The following GALNTL6 variants were observed in gnomAD, a reference collection of about 807,000 sequenced individuals.
The protein encoded by GALNTL6 is polypeptide N-acetylgalactosaminyltransferase-like 6.
GALNTL6 carries 46 observed loss-of-function variants against 73.7 expected under a neutral mutation model. That is an observed-to-expected ratio of 0.62 (90% CI 0.49 to 0.80). The LOEUF (loss-of-function observed/expected upper bound fraction) is 0.80. Ranked by LOEUF, GALNTL6 falls within the 30% of genes least tolerant of loss-of-function variation. The pLI is 0.00. For synonymous variants in GALNTL6, 259 were observed against 263.7 expected, an observed-to-expected ratio of 0.98 and a Z score of 0.17; for missense variants, 604 against 755.0, an observed-to-expected ratio of 0.80 and a Z score of 2.34.
At chr4:172,767,667 C>CTTTTTT (rs1553986523) in intron 5 of GALNTL6, among the ~76,000 whole-genome samples, 13 of 118,124 alleles carry the variant, frequency 1.1e-4, no homozygotes, top group East Asian at 2.4e-4. Flanking sequence ...GATTTTTTTT[C>CTTTTTT]TTTTTTTTTT....
At chr4:172,713,865 T>G (rs563120006) in intron 5 of GALNTL6, among the ~76,000 whole-genome samples, 125 of 152,182 alleles carry the variant, frequency 8.2e-4, no homozygotes, top group African/African-American at 2.9e-3. Context: ...CTTATCAAAC[T>G]GTAGGTTTCT....
intron 5 of GALNTL6, among the ~76,000 whole-genome samples, chr4:172,439,614 T>G (rs933507665): frequency 5.3e-5 from 8 of 151,842 alleles, no homozygotes; most frequent in Non-Finnish European, 1.0e-4. Flanking sequence ...GTAAACTCAA[T>G]GATTCCAAAA....
chr4:172,610,842 G>T (rs915407011), intron 5 of GALNTL6, among the ~76,000 whole-genome samples: 13 of 152,070 alleles, frequency 8.5e-5, no homozygotes, highest in African/African-American at 2.2e-4. Flanking sequence ...AGGTCTCTAA[G>T]AACTTGTTTT....
chr4:172,641,746 T>C (rs1247385095), intron 5 of GALNTL6, among the ~76,000 whole-genome samples: 1 of 152,148 alleles, frequency 6.6e-6, no homozygotes, highest in Non-Finnish European at 1.5e-5. Context: ...TTATATTTAT[T>C]TTTATTGTTT....
intron 3 of GALNTL6, among the ~76,000 whole-genome samples, chr4:172,247,954 T>G (rs553477262): frequency 1.3e-5 from 2 of 152,302 alleles, no homozygotes; most frequent in African/African-American, 4.8e-5. Context: ...AAATACCACT[T>G]TTAACTACTG....
chr4:172,406,801 A>G (rs1323197291), intron 5 of GALNTL6, among the ~76,000 whole-genome samples: 3 of 152,068 alleles, frequency 2.0e-5, no homozygotes, highest in Admixed American at 2.0e-4. Context: ...ACATCAAACA[A>G]TATTTCTTTC....
At chr4:172,910,099 A>T (rs1747119912) in intron 8 of GALNTL6, among the ~76,000 whole-genome samples, 1 of 151,972 alleles carries the variant, frequency 6.6e-6, no homozygotes, top group African/African-American at 2.4e-5. Flanking sequence ...ATTTATATAT[A>T]AAACATATAT....
At chr4:172,759,154 C>A (rs559633223) in intron 5 of GALNTL6, among the ~76,000 whole-genome samples, 1 of 152,308 alleles carries the variant, frequency 6.6e-6, no homozygotes, top group East Asian at 1.9e-4. Flanking sequence ...TGTATGAAAG[C>A]AGAGTGTCCC....
intron 5 of GALNTL6, among the ~76,000 whole-genome samples, chr4:172,752,184 A>T (rs1317786874): frequency 1.3e-5 from 2 of 152,126 alleles, no homozygotes; most frequent in Non-Finnish European, 2.9e-5. Flanking sequence ...TGCTTAAAAA[A>T]GTAATATATA....
intron 2 of GALNTL6, among the ~76,000 whole-genome samples, chr4:172,138,193 TC>T (rs1733686076): frequency 6.6e-6 from 1 of 151,924 alleles, no homozygotes; most frequent in Admixed American, 6.6e-5. Flanking sequence ...AGCTCAGTTC[TC>T]TTTATATTTT....
intron 2 of GALNTL6, among the ~76,000 whole-genome samples, chr4:172,142,353 A>G (rs1733823847): frequency 6.6e-6 from 1 of 152,070 alleles, no homozygotes; most frequent in Admixed American, 6.5e-5. Flanking sequence ...CATGCATATC[A>G]TAGTATATGA....
intron 2 of GALNTL6, among the ~76,000 whole-genome samples, chr4:171,926,165 A>G (rs1473567321): frequency 6.6e-6 from 1 of 152,088 alleles, no homozygotes; most frequent in Admixed American, 6.6e-5. Context: ...ATATGCTTAA[A>G]TTGCTACAAA....
intron 10 of GALNTL6, among the ~76,000 whole-genome samples, chr4:172,972,857 T>C (rs1750644695): frequency 2.0e-5 from 3 of 152,156 alleles, no homozygotes; most frequent in Admixed American, 1.3e-4. Flanking sequence ...ATGTTGTAAA[T>C]TTAAAATGAT....
chr4:172,655,403 A>G (rs1378345774), intron 5 of GALNTL6, among the ~76,000 whole-genome samples: 2 of 152,206 alleles, frequency 1.3e-5, no homozygotes, highest in African/African-American at 4.8e-5. Flanking sequence ...AAGAGTGAGC[A>G]CTTATTTAGG....
intron 5 of GALNTL6, among the ~76,000 whole-genome samples, chr4:172,643,149 G>A (rs1332532473): frequency 2.0e-5 from 3 of 151,888 alleles, no homozygotes; most frequent in South Asian, 4.1e-4. Context: ...TTCATTGGGA[G>A]TCTTTGACAC....
intron 2 of GALNTL6, among the ~76,000 whole-genome samples, chr4:171,986,203 G>A (rs1329362950): frequency 6.6e-6 from 1 of 151,988 alleles, no homozygotes; most frequent in East Asian, 1.9e-4. Flanking sequence ...TCCGAAAAGA[G>A]AGTCAGAGAA....
intron 5 of GALNTL6, among the ~76,000 whole-genome samples, chr4:172,740,825 T>G (rs992745700): frequency 6.6e-6 from 1 of 152,162 alleles, no homozygotes; most frequent in African/African-American, 2.4e-5. Context: ...AGAAAATTCA[T>G]GTGTTAGCTT....
chr4:172,017,580 G>A (rs542261820), intron 2 of GALNTL6, among the ~76,000 whole-genome samples: 1 of 152,056 alleles, frequency 6.6e-6, no homozygotes, highest in Non-Finnish European at 1.5e-5. Context: ...TTGGGGTACC[G>A]GTGCAGACGT....
intron 2 of GALNTL6, among the ~76,000 whole-genome samples, chr4:172,209,288 G>A (rs562391068): frequency 1.3e-5 from 2 of 152,114 alleles, no homozygotes; most frequent in East Asian, 3.9e-4. Flanking sequence ...GACAAGCTCA[G>A]TGTATATAGG....
Sources: allele counts gnomAD v4.1 joint callset (sites outside exome capture counted in the v4.1 genomes callset), GRCh38; gene constraint gnomAD v4.1.1; transcripts MANE v1.5; gene names NCBI Gene and HGNC (gene_info 2026-07-23, HGNC 2026-07-21).